The following FARS2 variants were observed in gnomAD, a reference collection of about 807,000 sequenced individuals.
FARS2 encodes phenylalanine--tRNA ligase, mitochondrial.
Under a neutral mutation model 46.4 loss-of-function variants are expected in FARS2, and 40 were observed. The observed-to-expected ratio is 0.86, with a 90% confidence interval of 0.67 to 1.12. The LOEUF is 1.12. FARS2 is among the 50% of genes most tolerant of loss of function. The pLI, the probability that FARS2 is intolerant of heterozygous loss-of-function variation, is 0.00. For missense variants in FARS2, 513 were observed against 567.9 expected (o/e 0.90, Z 0.98); for synonymous variants, 234 against 214.9 (o/e 1.09, Z -0.78).
chr6:5,771,540 A>C lies in FARS2; in HGVS notation c.*111A>C. On this transcript the variant is annotated 3_prime_UTR_variant, in exon 7 of 7. Coordinates refer to ENST00000274680, the MANE Select transcript of FARS2 (RefSeq NM_006567.5). Reference sequence around the variant, plus strand: ...TCAATCATCTTTTGATAAATGGATCAGTTTTAGGACTTTCAGAAAATAAAA... The same window carrying C: ...TCAATCATCTTTTGATAAATGGATCCGTTTTAGGACTTTCAGAAAATAAAA... 1 of 1,173,382 alleles carries C rather than the reference A, an allele frequency of 8.5e-7. No homozygotes were observed. The highest frequency in any genetic ancestry group is 1.2e-6 in the Non-Finnish European group (1 of 830,970). The allele number at this position is 1,173,382 out of a possible 1,614,324, so 72.7% of individuals were successfully genotyped here.
chr6:5,449,508 T>C (rs906621119), intron 4 of FARS2, among the ~76,000 whole-genome samples: 6 of 152,164 alleles, frequency 3.9e-5, no homozygotes, highest in African/African-American at 1.2e-4. Flanking sequence ...CCTTTATCTA[T>C]TAAATTTACT....
the FARS2 span, among the ~76,000 whole-genome samples, chr6:5,253,835 A>C: frequency 6.5e-4 from 4 of 6,194 alleles, no homozygotes; most frequent in African/African-American, 0.026. Flanking sequence ...ATGCTGAGCA[A>C]AAAAAAAAAA....
At chr6:5,260,951 G>C (rs1187128073), upstream of FARS2, 27 of 1,322,044 alleles carry the variant, frequency 2.0e-5, no homozygotes, top group East Asian at 3.4e-5. Flanking sequence ...GGCAGGGCTC[G>C]GGGCAGCTAA....
chr6:5,579,995 T>A (rs1354908531), intron 5 of FARS2, among the ~76,000 whole-genome samples: 1 of 151,988 alleles, frequency 6.6e-6, no homozygotes, highest in Non-Finnish European at 1.5e-5. Context: ...ATAGGGCCTA[T>A]AGAAAGAAAG....
intron 4 of FARS2, among the ~76,000 whole-genome samples, chr6:5,514,745 C>T (rs1480855662): frequency 6.6e-6 from 1 of 151,658 alleles, no homozygotes; most frequent in East Asian, 1.9e-4. Context: ...CATTCTTAAT[C>T]TTCCCCCAAA....
intron 4 of FARS2, among the ~76,000 whole-genome samples, chr6:5,436,346 C>T (rs972348268): frequency 6.6e-6 from 1 of 151,236 alleles, no homozygotes; most frequent in Non-Finnish European, 1.5e-5. Flanking sequence ...ATAGCCTCTA[C>T]ACATACTTAA....
At chr6:5,647,372 A>T (rs553682567) in intron 6 of FARS2, among the ~76,000 whole-genome samples, 1 of 152,350 alleles carries the variant, frequency 6.6e-6, no homozygotes, top group African/African-American at 2.4e-5. Context: ...GGTGAGAAGG[A>T]AGACATGGAA....
intron 6 of FARS2, among the ~76,000 whole-genome samples, chr6:5,709,697 TGC>T (rs1554127953): frequency 4.4e-5 from 4 of 91,526 alleles, no homozygotes; most frequent in African/African-American, 1.8e-4. Context: ...TGTGTGTGTG[TGC>T]GCATGCACGT....
Position 5,539,205 on chromosome 6 carries a change from A to G in FARS2, c.905-5975A>G, listed in dbSNP as rs113344675. 1.1e-3 allele frequency among the ~76,000 whole-genome samples: 168 copies of G among 148,958 alleles called. 1 individual carries two copies. The highest frequency in any genetic ancestry group is 3.9e-3 in the African/African-American group (157 of 40,480). ...GCCAATCATCCACTTAGGCCAGTGA[A>G]CATTTCTTTTTTTTTTTTGAGACAG... is the stretch of plus-strand genomic sequence containing the variant. On this transcript the variant is annotated intron_variant, in intron 4 of 6. Transcript: ENST00000274680.
intron 6 of FARS2, among the ~76,000 whole-genome samples, chr6:5,757,164 C>T (rs185890119): frequency 7.4e-6 from 1 of 135,082 alleles, no homozygotes; most frequent in East Asian, 2.1e-4. Context: ...GTAAGCCTGA[C>T]ATCTTTTTTT....
intron 6 of FARS2, among the ~76,000 whole-genome samples, chr6:5,692,741 T>C (rs1282948241): frequency 1.3e-5 from 2 of 152,236 alleles, no homozygotes; most frequent in South Asian, 4.1e-4. Flanking sequence ...TAATGACGAA[T>C]GTATTGAATT....
At chr6:5,609,916 G>A in intron 5 of FARS2, 1 of 1,178,498 alleles carries the variant, frequency 8.5e-7, no homozygotes, top group Non-Finnish European at 1.3e-6. Context: ...TGGTGTTTGA[G>A]AATCTTCTCT....
chr6:5,507,496 C>T (rs1463128740), intron 4 of FARS2, among the ~76,000 whole-genome samples: 1 of 152,096 alleles, frequency 6.6e-6, no homozygotes, highest in Non-Finnish European at 1.5e-5. Context: ...AGTACTTTCA[C>T]TTATGTCTGT....
chr6:5,444,565 ACT>A (rs988388137), intron 4 of FARS2, among the ~76,000 whole-genome samples: 5 of 150,758 alleles, frequency 3.3e-5, no homozygotes, highest in Admixed American at 2.0e-4. Flanking sequence ...CAGGTCGAAG[ACT>A]CTGGAATCAG....
chr6:5,451,604 A>G (rs1764495514), intron 4 of FARS2: 1 of 152,208 alleles, frequency 6.6e-6, no homozygotes, highest in African/African-American at 2.4e-5. Context: ...TCAGTGGCAT[A>G]AGGCTAATAT....
At chr6:5,393,654 TA>T (rs962803073) in intron 2 of FARS2, among the ~76,000 whole-genome samples, 70 of 151,820 alleles carry the variant, frequency 4.6e-4, no homozygotes, top group African/African-American at 1.7e-3. Context: ...AGACTCCACC[TA>T]AAAAAAAGGC....
At position 5,630,359 on chromosome 6, in the gene FARS2, T is replaced by TA. The variant is rs2150717186; in HGVS notation, c.1217+17039_1217+17040insA. Among the ~76,000 whole-genome samples the TA allele has an allele frequency of 6.6e-6, 1 of 152,348 alleles. No individual in the cohort carries two copies. The highest frequency in any genetic ancestry group is 1.9e-4 in the East Asian group (1 of 5,188). On this transcript the variant is annotated intron_variant, in intron 6 of 6. Coordinates refer to ENST00000274680, the MANE Select transcript of FARS2 (RefSeq NM_006567.5). The surrounding 1 kb of genome is among the most constrained non-coding windows in gnomAD (Gnocchi z 4.2). ...ACATGGATTTGACAATGAGTAGTCT[T>TA]CTAGTAGTCAGTTCAATGGTAGAAA...
In FARS2 at chr6:5,609,768, C is replaced by T; in HGVS notation, c.1066-3401C>T. 3.3e-6 allele frequency: 5 copies of T among 1,501,974 alleles called. No homozygotes were observed. The South Asian group carries it at 5.6e-5, about 17-fold the overall frequency. The allele number at this position is 1,501,974 out of a possible 1,614,324, so 93.0% of individuals were successfully genotyped here. A position where few individuals can be genotyped will look rare whatever the true frequency, so the allele number is the denominator to read the frequency against. ...GCAAAGCCCCTTTTCTTGCCACTGC[C>T]TCGGTCAGTCATGATTTCAGTCACT... On this transcript the variant is annotated intron_variant, in intron 5 of 6. Transcript: ENST00000274680.
At chr6:5,633,964 C>A (rs1776420443) in intron 6 of FARS2, among the ~76,000 whole-genome samples, 1 of 152,036 alleles carries the variant, frequency 6.6e-6, no homozygotes, top group Non-Finnish European at 1.5e-5. Context: ...CTTTTATTAT[C>A]CTTCATCATA....
Sources: gnomAD v4.1 joint callset for allele counts (sites outside exome capture counted in the v4.1 genomes callset) on GRCh38, gnomAD v4.1.1 for gene constraint, Gnocchi (gnomAD v3.1) non-coding constraint, MANE v1.5 for transcripts, NCBI Gene and HGNC (gene_info 2026-07-23, HGNC 2026-07-21) for gene names.